The following CMIP variants were observed in gnomAD, a reference collection of about 807,000 sequenced individuals.
CMIP encodes the protein C-Maf-inducing protein.
Under a neutral mutation model 97.3 loss-of-function variants are expected in CMIP, and 13 were observed. The observed-to-expected ratio is 0.13, with a 90% CI of 0.09 to 0.21. CMIP has a LOEUF of 0.21. Among genes scored for constraint, CMIP ranks in the 10% least tolerant of loss-of-function variants. CMIP has a pLI of 1.00. For missense variants in CMIP, 847 were observed against 1,024.9 expected (o/e 0.83, Z 2.37); for synonymous variants, 538 against 436.3 (o/e 1.23, Z -2.91).
At chr16:81,559,212 C>T (rs779099030) in intron 1 of CMIP, among the ~76,000 whole-genome samples, 10 of 152,184 alleles carry the variant, frequency 6.6e-5, no homozygotes, top group Non-Finnish European at 1.5e-4. Context: ...GCAAACCAGA[C>T]AGTTTGATAT....
chr16:81,590,559 GC>G (rs2091451465), intron 1 of CMIP, among the ~76,000 whole-genome samples: 1 of 152,194 alleles, frequency 6.6e-6, no homozygotes, highest in South Asian at 2.1e-4. Flanking sequence ...TTAGGGATGG[GC>G]CCAAGGAATT....
intron 1 of CMIP, among the ~76,000 whole-genome samples, chr16:81,477,890 G>A (rs1176861645): frequency 1.3e-5 from 2 of 152,260 alleles, no homozygotes; most frequent in Non-Finnish European, 2.9e-5. Flanking sequence ...GAAAGTGGGA[G>A]TGGCAGGGGA....
intron 1 of CMIP, among the ~76,000 whole-genome samples, chr16:81,482,665 G>GGAGA (rs2089244175): frequency 6.6e-6 from 1 of 152,194 alleles, no homozygotes; most frequent in Non-Finnish European, 1.5e-5. Flanking sequence ...ACAGGAAGAG[G>GGAGA]GAGAGCTAGG....
chr16:81,643,249 T>C (rs1219862425), intron 3 of CMIP, among the ~76,000 whole-genome samples: 2 of 152,216 alleles, frequency 1.3e-5, no homozygotes, highest in African/African-American at 4.8e-5. Flanking sequence ...AGCTGCTGAA[T>C]GCAGATTCCC....
intron 1 of CMIP, among the ~76,000 whole-genome samples, chr16:81,459,042 C>T (rs2150736315): frequency 6.9e-6 from 1 of 144,088 alleles, no homozygotes; most frequent in South Asian, 2.2e-4. Flanking sequence ...ATCACCATCA[C>T]CATCACCATC....
chr16:81,676,116 GC>G (rs1904303894), intron 9 of CMIP, among the ~76,000 whole-genome samples: 1 of 152,198 alleles, frequency 6.6e-6, no homozygotes, highest in African/African-American at 2.4e-5. Context: ...GGTGGCTGTG[GC>G]AAGGAGATGC....
At chr16:81,694,762 T>C (rs1303501638) in intron 13 of CMIP, among the ~76,000 whole-genome samples, 1 of 152,170 alleles carries the variant, frequency 6.6e-6, no homozygotes, top group Non-Finnish European at 1.5e-5. Flanking sequence ...GGGGCTGGTC[T>C]CCAGGCCACA....
chr16:81,474,713 C>T (rs1031569304), intron 1 of CMIP, among the ~76,000 whole-genome samples: 2 of 152,234 alleles, frequency 1.3e-5, no homozygotes, highest in African/African-American at 4.8e-5. Flanking sequence ...TGGCCGTGCT[C>T]ATGGCGCCCT....
At chr16:81,536,569 G>A (rs1208586259) in intron 1 of CMIP, among the ~76,000 whole-genome samples, 3 of 152,058 alleles carry the variant, frequency 2.0e-5, no homozygotes, top group Non-Finnish European at 4.4e-5. Context: ...ACCCGTCTCC[G>A]GAACCTTCTT....
At chr16:81,615,737 A>T (rs1412881104) in intron 2 of CMIP, among the ~76,000 whole-genome samples, 1 of 147,028 alleles carries the variant, frequency 6.8e-6, no homozygotes, top group Admixed American at 6.8e-5. Context: ...GTGTGTGTGT[A>T]TGGTGTGTGT....
At chr16:81,511,133 G>C (rs1419488685) in intron 1 of CMIP, among the ~76,000 whole-genome samples, 2 of 152,156 alleles carry the variant, frequency 1.3e-5, no homozygotes, top group Admixed American at 1.3e-4. Flanking sequence ...TTGGGGTGTA[G>C]CTGCCTCTGT....
At chr16:81,457,093 C>T (rs1216180735) in intron 1 of CMIP, among the ~76,000 whole-genome samples, 4 of 152,086 alleles carry the variant, frequency 2.6e-5, no homozygotes, top group African/African-American at 9.7e-5. Flanking sequence ...GAGCGTCCCG[C>T]CCTGTCTGGC....
intron 8 of CMIP, 95 bp from the exon 9 acceptor site, chr16:81,671,871 C>G (rs2092686229): frequency 4.7e-6 from 3 of 638,026 alleles, no homozygotes; most frequent in Non-Finnish European, 8.5e-6. Context: ...AGCGGGCAGC[C>G]CCGTGCCTGA....
chr16:81,594,148 G>C (rs1161122087), intron 1 of CMIP, among the ~76,000 whole-genome samples: 2 of 137,438 alleles, frequency 1.5e-5, no homozygotes, highest in African/African-American at 5.5e-5. Flanking sequence ...GACAAGATCT[G>C]GCTCTGTTGC....
At chr16:81,579,567 G>T (rs1181261195) in intron 1 of CMIP, among the ~76,000 whole-genome samples, 3 of 152,160 alleles carry the variant, frequency 2.0e-5, no homozygotes, top group African/African-American at 2.4e-5. Context: ...TGGAGAGATT[G>T]TCCCTGAACC....
chr16:81,562,805 G>A (rs1205964191), intron 1 of CMIP, among the ~76,000 whole-genome samples: 1 of 152,186 alleles, frequency 6.6e-6, no homozygotes. Context: ...TTCAAATGTG[G>A]AAACTGAAGC....
At chr16:81,515,119 C>T (rs1436769221) in intron 1 of CMIP, among the ~76,000 whole-genome samples, 2 of 152,254 alleles carry the variant, frequency 1.3e-5, no homozygotes, top group Admixed American at 1.3e-4. Context: ...CCAAAGCTCT[C>T]AGCCTTTTCC....
chr16:81,641,003 T>G (rs1038771386), intron 3 of CMIP, among the ~76,000 whole-genome samples: 1 of 152,110 alleles, frequency 6.6e-6, no homozygotes, highest in East Asian at 1.9e-4. Context: ...TCCTCTCCTC[T>G]GCAGCACGTC....
At position 81,646,766 on chromosome 16, in the gene CMIP, G is replaced by A. The variant is rs534973138; in HGVS notation, c.478-5437G>A. Among the ~76,000 whole-genome samples, 5 of 152,318 alleles carry A rather than the reference G, an allele frequency of 3.3e-5. No individual in the cohort carries two copies. The South Asian group carries it at 8.3e-4, about 25-fold the overall frequency. On this transcript the variant is annotated intron_variant, in intron 3 of 20. Transcript: ENST00000537098. ...TATCTGGCTTCTTTCCCTTAGTGTA[G>A]TGGTTATGAGTTGCATCCGTCTTGT... is the stretch of plus-strand genomic sequence containing the variant.
Sources: allele counts gnomAD v4.1 joint callset (sites outside exome capture counted in the v4.1 genomes callset), GRCh38; gene constraint gnomAD v4.1.1; transcripts MANE v1.5; gene names NCBI Gene and HGNC (gene_info 2026-07-23, HGNC 2026-07-21).